REPS1: variants seen among roughly 807,000 people sequenced by gnomAD.
REPS1 encodes the protein ralBP1-associated Eps domain-containing protein 1.
A neutral mutation model predicts 100.9 loss-of-function variants in REPS1; 39 were observed. The observed-to-expected ratio is 0.39, with a 90% CI of 0.30 to 0.50. The LOEUF is 0.50. Ranked by LOEUF, REPS1 falls within the 20% of genes least tolerant of loss-of-function variation. The pLI is 0.86. For synonymous variants in REPS1, 324 were observed against 340.3 expected (o/e 0.95, Z 0.53); for missense variants, 821 against 968.5 (o/e 0.85, Z 2.02).
chr6:138,907,679 T>C (rs1779751173), intron 18 of REPS1, 79 bp from the exon 19 acceptor site: 1 of 910,058 alleles, frequency 1.1e-6, no homozygotes, highest in Non-Finnish European at 1.8e-6. Flanking sequence ...CCTGATCTAT[T>C]TCTAAACATG....
At chr6:138,947,360 C>T (rs1435109372) in intron 2 of REPS1, among the ~76,000 whole-genome samples, 1 of 151,926 alleles carries the variant, frequency 6.6e-6, no homozygotes, top group Non-Finnish European at 1.5e-5. Context: ...CAACTGAAGC[C>T]TCCACAGCCT....
intron 8 of REPS1, among the ~76,000 whole-genome samples, chr6:138,934,747 C>T (rs1366481655): frequency 1.3e-5 from 2 of 152,136 alleles, no homozygotes; most frequent in Admixed American, 6.5e-5. Context: ...CAGTTTAAAA[C>T]TTATTTTGCT....
chr6:138,958,760 T>A (rs1783558666), intron 1 of REPS1, among the ~76,000 whole-genome samples: 1 of 152,242 alleles, frequency 6.6e-6, no homozygotes, highest in African/African-American at 2.4e-5. Flanking sequence ...TGTGACTTTT[T>A]TCTTGTTGCC....
Position 138,945,606 on chromosome 6 carries a change from T to A in REPS1, c.369A>T (p.Gln123His). The change falls in exon 3 of 20, where the codon CAA (glutamine) becomes CAT (histidine). Residue 123 changes from glutamine to histidine, a missense_variant. Physicochemically the swap from Gln to His is conservative, Grantham distance 24. Coordinates refer to ENST00000450536, the MANE Select transcript of REPS1 (RefSeq NM_001286611.2). Reference sequence around the variant, plus strand: ...GGGGAATTACACCAGAATACGACCCTTGATTTTCAGAATCTGAAGAATATG... The same window carrying A: ...GGGGAATTACACCAGAATACGACCCATGATTTTCAGAATCTGAAGAATATG... Reference protein sequence around the residue: ...AASYSSDSENQGSYSGVIPPP... With the variant: ...AASYSSDSENHGSYSGVIPPP... 6.2e-7 allele frequency: 1 copy of A among 1,613,696 alleles called. No homozygotes were observed. Among genetic ancestry groups the A allele is most frequent in the Non-Finnish European group, 8.5e-7 (1 of 1,179,876 alleles).
rs187048992 is a variant in REPS1 at position 138,912,529 on chromosome 6, G to A, written c.1971+236C>T. On this transcript the variant is annotated intron_variant, in intron 16 of 19. Coordinates refer to ENST00000450536, the MANE Select transcript of REPS1 (RefSeq NM_001286611.2). ...ACCCCCAAAGCAGCGTTTTAGCCAC[G>A]GCCAGGCGGTGGTGTCTTTGCATGT... is the stretch of plus-strand genomic sequence containing the variant. 44 of 516,942 alleles carry A rather than the reference G, an allele frequency of 8.5e-5. No homozygotes were observed. In the East Asian group the frequency reaches 1.1e-3, roughly 13 times the overall value. 32.0% of individuals were successfully genotyped at this position (516,942 alleles called of 1,614,324 possible).
At chr6:138,905,697 G>A (rs1779600296) in intron 19 of REPS1, among the ~76,000 whole-genome samples, 1 of 152,176 alleles carries the variant, frequency 6.6e-6, no homozygotes. Context: ...TTTTAGAAAA[G>A]TCACTGTTTG....
chr6:138,984,420 C>T (rs1785140236), intron 1 of REPS1, among the ~76,000 whole-genome samples: 1 of 152,110 alleles, frequency 6.6e-6, no homozygotes, highest in South Asian at 2.1e-4. Flanking sequence ...CCACTATAGT[C>T]CAGGTTAGGG....
intron 1 of REPS1, among the ~76,000 whole-genome samples, chr6:138,956,249 T>C (rs1783380499): frequency 6.6e-6 from 1 of 151,960 alleles, no homozygotes; most frequent in African/African-American, 2.4e-5. Flanking sequence ...AAAATTTCAA[T>C]AAATTTTTGC....
intron 19 of REPS1, 183 bp downstream of exon 19, chr6:138,907,312 A>AGTGTG (rs1779717554): frequency 1.9e-5 from 2 of 105,684 alleles, no homozygotes. Context: ...AAAAAAAAAA[A>AGTGTG]AGTGTGTGTG....
intron 1 of REPS1, among the ~76,000 whole-genome samples, chr6:138,969,269 ATTT>A (rs71013004): frequency 3.1e-4 from 23 of 74,244 alleles, no homozygotes; most frequent in East Asian, 5.1e-4. Flanking sequence ...CAAAGCTGTA[ATTT>A]TTTTTTTTTT....
At chr6:138,962,226 G>A (rs1487013884) in intron 1 of REPS1, among the ~76,000 whole-genome samples, 1 of 152,084 alleles carries the variant, frequency 6.6e-6, no homozygotes, top group Admixed American at 6.6e-5. Flanking sequence ...GTAGGTTAAG[G>A]GCAGGGTGGG....
intron 1 of REPS1, among the ~76,000 whole-genome samples, chr6:138,981,730 A>G (rs1347639925): frequency 6.6e-6 from 1 of 152,182 alleles, no homozygotes; most frequent in African/African-American, 2.4e-5. Context: ...TCCCATAGCT[A>G]TATCAGACAT....
intron 9 of REPS1, chr6:138,929,670 C>T (rs1781365002): frequency 9.4e-6 from 2 of 212,708 alleles, no homozygotes; most frequent in South Asian, 2.0e-4. Flanking sequence ...CAAATCCTAG[C>T]TCTCGTCCCT....
At chr6:138,978,127 GA>G (rs1361672066) in intron 1 of REPS1, among the ~76,000 whole-genome samples, 6 of 150,570 alleles carry the variant, frequency 4.0e-5, no homozygotes, top group Non-Finnish European at 8.8e-5. Context: ...TGAGTTGTAA[GA>G]TTTTTCAAAT....
chr6:138,913,017 C>G (rs1224988636), intron 15 of REPS1, 67 bp from the exon 16 acceptor site: 1 of 1,364,758 alleles, frequency 7.3e-7, no homozygotes, highest in Non-Finnish European at 1.0e-6. Context: ...GAGTCATCTT[C>G]TTCTTCTTCG....
rs531421363 is a variant in REPS1 at position 138,983,514 on chromosome 6, C to A, written c.153+4016G>T. ...TAACACCCACTTCACAAGGTTGTTG[C>A]AAGAATCAAATGAGTTCTTCCATGA... On this transcript the variant is annotated intron_variant, in intron 1 of 19. Coordinates refer to ENST00000450536, the MANE Select transcript of REPS1 (RefSeq NM_001286611.2). Among the ~76,000 whole-genome samples the A allele has an allele frequency of 4.6e-5, 7 of 152,092 alleles. No individual in the cohort carries two copies. The East Asian group carries it at 1.4e-3, about 29-fold the overall frequency.
chr6:138,956,438 G>A (rs1783396208), intron 1 of REPS1, among the ~76,000 whole-genome samples: 1 of 151,904 alleles, frequency 6.6e-6, no homozygotes, highest in Non-Finnish European at 1.5e-5. Flanking sequence ...GCTGCTCACA[G>A]TTACTAGCAA....
At chr6:138,986,803 A>G (rs1481740443) in intron 1 of REPS1, among the ~76,000 whole-genome samples, 2 of 152,184 alleles carry the variant, frequency 1.3e-5, no homozygotes, top group Non-Finnish European at 2.9e-5. Context: ...AAGGCTTTAA[A>G]CCTACAGGGT....
intron 19 of REPS1, among the ~76,000 whole-genome samples, chr6:138,906,549 G>A (rs1469864443): frequency 1.3e-5 from 2 of 152,210 alleles, no homozygotes; most frequent in Non-Finnish European, 2.9e-5. Flanking sequence ...TGAGTTCACT[G>A]TAGTAGGACA....
Sources: allele counts gnomAD v4.1 joint callset (sites outside exome capture counted in the v4.1 genomes callset), GRCh38; gene constraint gnomAD v4.1.1; transcripts MANE v1.5; gene names NCBI Gene and HGNC (gene_info 2026-07-23, HGNC 2026-07-21).